The following ASTN2 variants were observed in gnomAD, a reference collection of about 807,000 sequenced individuals.
ASTN2 encodes astrotactin 2.
In ASTN2, 54 loss-of-function variants were observed where a neutral mutation model predicts 139.8. The ratio of observed to expected loss-of-function variants is 0.39; its 90% confidence interval spans 0.31 to 0.48. The LOEUF is 0.48. ASTN2 is among the 20% of genes least tolerant of loss of function. The pLI, the probability that ASTN2 is intolerant of heterozygous loss-of-function variation, is 0.95. For synonymous variants in ASTN2, 756 were observed against 719.5 expected, an observed-to-expected ratio of 1.05 and a Z score of -0.81; for missense variants, 1,565 against 1,725.1, an observed-to-expected ratio of 0.91 and a Z score of 1.64.
chr9:117,262,251 ATTTGT>A (rs1833840024), intron 2 of ASTN2, among the ~76,000 whole-genome samples: 1 of 152,098 alleles, frequency 6.6e-6, no homozygotes, highest in African/African-American at 2.4e-5. Flanking sequence ...CAAGACTGCA[ATTTGT>A]TTTTCCTGTG....
At chr9:117,087,960 T>C (rs537243803) in intron 5 of ASTN2, among the ~76,000 whole-genome samples, 13 of 152,340 alleles carry the variant, frequency 8.5e-5, no homozygotes, top group Admixed American at 7.8e-4. Flanking sequence ...AAAGAATGCC[T>C]ATCTATCTTT....
At chr9:116,442,170 C>G (rs1847859161) in intron 21 of ASTN2, among the ~76,000 whole-genome samples, 1 of 152,184 alleles carries the variant, frequency 6.6e-6, no homozygotes, top group Non-Finnish European at 1.5e-5. Context: ...CTCTGACTCC[C>G]TACCATTTGT....
At chr9:117,161,619 C>T (rs1275424011) in intron 3 of ASTN2, among the ~76,000 whole-genome samples, 1 of 152,006 alleles carries the variant, frequency 6.6e-6, no homozygotes, top group Non-Finnish European at 1.5e-5. Context: ...GTCTTGAATT[C>T]CTGACTTCAA....
intron 1 of ASTN2, among the ~76,000 whole-genome samples, chr9:117,342,284 G>A (rs1587964665): frequency 6.6e-6 from 1 of 152,292 alleles, no homozygotes; most frequent in East Asian, 1.9e-4. Context: ...ACTTCTAGAT[G>A]CTTTACTGTT....
chr9:116,727,788 C>T (rs1474673080), intron 15 of ASTN2, among the ~76,000 whole-genome samples: 1 of 152,148 alleles, frequency 6.6e-6, no homozygotes, highest in East Asian at 1.9e-4. Context: ...GTTATTTAAC[C>T]TCCCTAACCC....
chr9:116,442,974 G>C (rs1847882463), intron 20 of ASTN2, among the ~76,000 whole-genome samples: 1 of 152,134 alleles, frequency 6.6e-6, no homozygotes, highest in Non-Finnish European at 1.5e-5. Context: ...TGCACACCAG[G>C]AAGTACTTTA....
At chr9:117,241,739 T>C (rs528964752) in intron 2 of ASTN2, among the ~76,000 whole-genome samples, 19 of 152,144 alleles carry the variant, frequency 1.2e-4, no homozygotes, top group Non-Finnish European at 2.1e-4. Context: ...GCCCTGGGTT[T>C]GGGGACCACT....
At chr9:117,092,104 T>C (rs1306283381) in intron 5 of ASTN2, among the ~76,000 whole-genome samples, 1 of 152,178 alleles carries the variant, frequency 6.6e-6, no homozygotes, top group East Asian at 1.9e-4. Flanking sequence ...TTGAGAATAC[T>C]GGTTCATGTC....
rs531891708 is a variant in ASTN2, at chr9:117,084,984, C to T, written c.1276+11060G>A. Reference sequence around the variant, plus strand: ...GCTCTTCTTCCCACACAGCCTAGGACACCTGCCTTGATCTAGGTCCTAGAA... The same window carrying T: ...GCTCTTCTTCCCACACAGCCTAGGATACCTGCCTTGATCTAGGTCCTAGAA... On this transcript the variant is annotated intron_variant, in intron 5 of 22. Transcript: ENST00000313400. Among the ~76,000 whole-genome samples the T allele has an allele frequency of 2.6e-5, 4 of 152,304 alleles. No homozygotes were observed. The South Asian group carries it at 6.2e-4, about 24-fold the overall frequency.
At chr9:117,343,990 T>C (rs535556993) in intron 1 of ASTN2, among the ~76,000 whole-genome samples, 2 of 152,122 alleles carry the variant, frequency 1.3e-5, no homozygotes, top group Non-Finnish European at 2.9e-5. Context: ...GGAAATACTC[T>C]GAAAATGTCA....
At chr9:117,176,995 A>G (rs1183315213) in intron 3 of ASTN2, among the ~76,000 whole-genome samples, 1 of 152,240 alleles carries the variant, frequency 6.6e-6, no homozygotes, top group Non-Finnish European at 1.5e-5. Flanking sequence ...TTAGACTCTG[A>G]GCATTCTAGC....
At chr9:116,870,567 T>A (rs1307644183) in intron 10 of ASTN2, among the ~76,000 whole-genome samples, 2 of 152,314 alleles carry the variant, frequency 1.3e-5, no homozygotes, top group Admixed American at 6.5e-5. Context: ...AACATCTCTC[T>A]ATCTCTGACA....
chr9:117,203,284 C>T (rs1831791660), intron 3 of ASTN2, among the ~76,000 whole-genome samples: 1 of 152,006 alleles, frequency 6.6e-6, no homozygotes. Context: ...TTAGAACATG[C>T]TCCTTTAGCT....
chr9:116,737,467 A>ATGTGTGTGTGTGTG lies in ASTN2; in HGVS notation c.2397-3958_2397-3945dup, dbSNP rs72243746. Among the ~76,000 whole-genome samples the ATGTGTGTGTGTGTG allele has an allele frequency of 2.0e-5, 3 of 148,154 alleles. No homozygotes were observed. The East Asian group carries it at 6.1e-4, about 30-fold the overall frequency. ...TTAGCGCTCGTGTGTGTGTGTGTGA[A>ATGTGTGTGTGTGTG]TGTGTGTGTGTGTGTGTGTGTGTGT... is the stretch of plus-strand genomic sequence containing the variant. On this transcript the variant is annotated intron_variant, in intron 13 of 22. Coordinates refer to ENST00000313400, the MANE Select transcript of ASTN2 (RefSeq NM_001365068.1).
chr9:117,022,448 AAAAAAAC>A (rs1195784758), intron 6 of ASTN2, among the ~76,000 whole-genome samples: 22 of 111,314 alleles, frequency 2.0e-4, no homozygotes, highest in South Asian at 2.8e-4. Flanking sequence ...AGGGCAAAAA[AAAAAAAC>A]AAAAAAACAA....
chr9:116,997,145 C>G (rs983695525), intron 7 of ASTN2, among the ~76,000 whole-genome samples: 2 of 152,094 alleles, frequency 1.3e-5, no homozygotes, highest in African/African-American at 4.8e-5. Flanking sequence ...ATGGGACTGG[C>G]AAGTTCCCAA....
At chr9:116,508,567 T>C (rs1850215033) in intron 19 of ASTN2, among the ~76,000 whole-genome samples, 1 of 152,146 alleles carries the variant, frequency 6.6e-6, no homozygotes, top group African/African-American at 2.4e-5. Flanking sequence ...CTTGCCCACG[T>C]GGTGCCTTAC....
intron 2 of ASTN2, among the ~76,000 whole-genome samples, chr9:117,264,831 A>G (rs1564115032): frequency 6.6e-6 from 1 of 152,220 alleles, no homozygotes; most frequent in Non-Finnish European, 1.5e-5. Context: ...ACGTTCCCTT[A>G]GAACAAATTA....
chr9:117,036,234 T>A (rs1470565647), intron 6 of ASTN2, among the ~76,000 whole-genome samples: 1 of 152,154 alleles, frequency 6.6e-6, no homozygotes, highest in Non-Finnish European at 1.5e-5. Context: ...ACCAAGATAT[T>A]ATGGCATGTA....
Sources: allele counts gnomAD v4.1 joint callset (sites outside exome capture counted in the v4.1 genomes callset), GRCh38; gene constraint gnomAD v4.1.1; transcripts MANE v1.5; gene names NCBI Gene and HGNC (gene_info 2026-07-23, HGNC 2026-07-21).